Variants in CREB5 observed in about 807,000 individuals in gnomAD.
CREB5 encodes the protein cyclic AMP-responsive element-binding protein 5.
A neutral mutation model predicts 57.1 loss-of-function variants in CREB5; 19 were observed. That is an observed-to-expected ratio of 0.33 (90% CI 0.23 to 0.49). The LOEUF (loss-of-function observed/expected upper bound fraction) is 0.49. Among genes scored for constraint, CREB5 ranks in the 20% least tolerant of loss-of-function variants. The pLI, the probability that CREB5 is intolerant of heterozygous loss-of-function variation, is 0.99. For synonymous variants in CREB5, 238 were observed against 238.3 expected (o/e 1.00, Z 0.01); for missense variants, 579 against 671.6 (o/e 0.86, Z 1.52).
chr7:28,387,161 C>A (rs2080923359), intron 1 of CREB5, among the ~76,000 whole-genome samples: 2 of 152,200 alleles, frequency 1.3e-5, no homozygotes, highest in South Asian at 4.1e-4. Context: ...ACACTGTCTT[C>A]CACAATGGTT....
intron 4 of CREB5, among the ~76,000 whole-genome samples, chr7:28,534,357 G>A (rs576882954): frequency 2.6e-5 from 4 of 152,274 alleles, no homozygotes; most frequent in South Asian, 4.1e-4. Context: ...CCCACCCTGC[G>A]TCCTCCCCCG....
At chr7:28,569,822 A>G (rs899833420) in intron 4 of CREB5, among the ~76,000 whole-genome samples, 17 of 152,200 alleles carry the variant, frequency 1.1e-4, no homozygotes, top group African/African-American at 3.6e-4. Context: ...ATGTATTCCA[A>G]TCACGCATCC....
At chr7:28,467,384 A>G (rs952704838) in intron 1 of CREB5, among the ~76,000 whole-genome samples, 1 of 152,168 alleles carries the variant, frequency 6.6e-6, no homozygotes, top group Non-Finnish European at 1.5e-5. Flanking sequence ...ACATCCCATT[A>G]TTCCGTCCCT....
chr7:28,300,283 T>C (rs1362830262), intron 1 of CREB5, among the ~76,000 whole-genome samples: 1 of 152,108 alleles, frequency 6.6e-6, no homozygotes, highest in Non-Finnish European at 1.5e-5. Flanking sequence ...GAATGGGCTG[T>C]GAGAAGATAA....
At chr7:28,448,274 G>A (rs774851532) in intron 1 of CREB5, among the ~76,000 whole-genome samples, 3 of 152,090 alleles carry the variant, frequency 2.0e-5, no homozygotes, top group African/African-American at 7.2e-5. Context: ...GCCTATTGTG[G>A]GACTTTGTGA....
chr7:28,810,113 A>G (rs1170785901), intron 9 of CREB5, among the ~76,000 whole-genome samples: 2 of 152,126 alleles, frequency 1.3e-5, no homozygotes, highest in Non-Finnish European at 2.9e-5. Flanking sequence ...GGAGTGTCTA[A>G]GAGGAAAGGA....
rs199561235 is a variant in CREB5, at chr7:28,306,541, G to GTTTTTTT, written c.-25+7104_-25+7105insTTTTTTT. 8.8e-4 allele frequency among the ~76,000 whole-genome samples: 39 copies of GTTTTTTT among 44,442 alleles called. 4 individuals carry two copies. Among genetic ancestry groups the GTTTTTTT allele is most frequent in the South Asian group, 1.8e-3 (2 of 1,132 alleles). 29.2% of individuals were successfully genotyped at this position (44,442 alleles called of 152,430 possible). A position where few individuals can be genotyped will look rare whatever the true frequency, so the allele number is the denominator to read the frequency against. On this transcript the variant is annotated intron_variant, in intron 1 of 9. Coordinates refer to the CREB5 transcript ENST00000396299. ...ACTGGTGCCAGTACATACAGATACA[G>GTTTTTTT]TTTTGTTTTTTTTGTTTTTTTTTTT...
intron 1 of CREB5, among the ~76,000 whole-genome samples, chr7:28,381,082 C>T (rs1429578104): frequency 1.3e-5 from 2 of 152,150 alleles, no homozygotes; most frequent in Non-Finnish European, 2.9e-5. Flanking sequence ...GGCATCTTTC[C>T]TCCCTTTCAA....
chr7:28,696,224 T>C (rs954248060), intron 5 of CREB5, among the ~76,000 whole-genome samples: 7 of 151,730 alleles, frequency 4.6e-5, no homozygotes, highest in African/African-American at 1.7e-4. Context: ...AGGATGTTTC[T>C]AACTAATTAA....
At chr7:28,547,409 C>A (rs576679767) in intron 4 of CREB5, among the ~76,000 whole-genome samples, 1 of 152,164 alleles carries the variant, frequency 6.6e-6, no homozygotes, top group African/African-American at 2.4e-5. Flanking sequence ...GAATAGAAAT[C>A]CAAAAAGAGA....
rs67683167 is a variant in CREB5, at chr7:28,330,421, TG to T, written c.-25+30981del. On this transcript the variant is annotated intron_variant, in intron 1 of 9. Coordinates refer to the CREB5 transcript ENST00000396299. ...CCTTACTTTTTTTTTTTTTTTTTTT[TG>T]CATATTTAGTTTGCATCGTCAGAGG... Among the ~76,000 whole-genome samples the T allele has an allele frequency of 6.2e-5, 9 of 145,696 alleles. No individual in the cohort carries two copies. In the East Asian group the frequency reaches 1.2e-3, roughly 19 times the overall value.
At chr7:28,306,566 T>G (rs1212432129) in intron 1 of CREB5, among the ~76,000 whole-genome samples, 6 of 130,862 alleles carry the variant, frequency 4.6e-5, no homozygotes, top group Middle Eastern at 4.0e-3. Flanking sequence ...TTTTTTTTTT[T>G]TTTTTTTTTT....
Position 28,334,319 on chromosome 7 carries a change from C to T in CREB5, c.-25+34878C>T, listed in dbSNP as rs187412820. Among the ~76,000 whole-genome samples, 725 of 152,138 alleles carry T rather than the reference C, an allele frequency of 4.8e-3. 6 individuals are homozygous for T. The highest frequency in any genetic ancestry group is 0.016 in the African/African-American group (683 of 41,512). ...TACAGGCATGTACCACCATGCCTGGCTAATTTTTTGTATATTTAGTAGAGA... is the reference window on the plus strand; with the variant it reads ...TACAGGCATGTACCACCATGCCTGGTTAATTTTTTGTATATTTAGTAGAGA... On this transcript the variant is annotated intron_variant, in intron 1 of 9. Transcript: ENST00000396299.
At chr7:28,544,657 G>A (rs1330078746) in intron 4 of CREB5, among the ~76,000 whole-genome samples, 1 of 152,122 alleles carries the variant, frequency 6.6e-6, no homozygotes, top group African/African-American at 2.4e-5. Flanking sequence ...AGTACAATCT[G>A]AGGAGCCATA....
chr7:28,381,551 C>A (rs1037472173), intron 1 of CREB5, among the ~76,000 whole-genome samples: 1 of 152,188 alleles, frequency 6.6e-6, no homozygotes. Context: ...TTTTCAAATG[C>A]AAGTTATTTC....
At chr7:28,808,761 A>C (rs966712846) in intron 8 of CREB5, among the ~76,000 whole-genome samples, 1 of 97,784 alleles carries the variant, frequency 1.0e-5, no homozygotes, top group Non-Finnish European at 1.9e-5. Context: ...GGGTCTTGCT[A>C]TGTTACCTAG....
intron 4 of CREB5, among the ~76,000 whole-genome samples, chr7:28,561,007 T>TGCGTGCGTGTGTGC (rs765237919): frequency 6.8e-5 from 3 of 44,100 alleles, no homozygotes; most frequent in South Asian, 9.8e-4. Flanking sequence ...TGCGTGTGCG[T>TGCGTGCGTGTGTGC]GTGTGTGTGC....
chr7:28,351,924 G>T (rs992056050), intron 1 of CREB5, among the ~76,000 whole-genome samples: 2 of 152,102 alleles, frequency 1.3e-5, no homozygotes, highest in Non-Finnish European at 2.9e-5. Flanking sequence ...AATAAATCAA[G>T]CAGTTTAGGA....
chr7:28,457,585 T>C (rs1790158793), intron 1 of CREB5, among the ~76,000 whole-genome samples: 1 of 152,200 alleles, frequency 6.6e-6, no homozygotes, highest in Non-Finnish European at 1.5e-5. Context: ...AGTGGACAAT[T>C]CCAGGGATTG....
Sources: gnomAD v4.1 joint callset for allele counts (sites outside exome capture counted in the v4.1 genomes callset) on GRCh38, gnomAD v4.1.1 for gene constraint, MANE v1.5 for transcripts, NCBI Gene and HGNC (gene_info 2026-07-23, HGNC 2026-07-21) for gene names.